MAML3: variants seen among roughly 807,000 people sequenced by gnomAD.
MAML3 encodes the protein mastermind-like protein 3.
In MAML3, 27 loss-of-function variants were observed where a neutral mutation model predicts 101.9. The observed-to-expected ratio is 0.27, with a 90% confidence interval of 0.20 to 0.37. MAML3 has a LOEUF of 0.37. MAML3 is among the 10% of genes least tolerant of loss of function. The probability of loss-of-function intolerance (pLI) is 1.00; values close to 1 mark genes in which losing one functional copy is unlikely to be tolerated. For synonymous variants in MAML3, 501 were observed against 555.9 expected, an observed-to-expected ratio of 0.90 and a Z score of 1.39; for missense variants, 1,316 against 1,444.9, an observed-to-expected ratio of 0.91 and a Z score of 1.45.
At chr4:139,742,469 T>C (rs1363024651) in intron 2 of MAML3, among the ~76,000 whole-genome samples, 2 of 152,204 alleles carry the variant, frequency 1.3e-5, no homozygotes, top group Admixed American at 1.3e-4. Flanking sequence ...TTTCACTCTT[T>C]AATCAGAACT....
At chr4:139,812,434 C>T (rs1205878613) in intron 2 of MAML3, among the ~76,000 whole-genome samples, 1 of 152,198 alleles carries the variant, frequency 6.6e-6, no homozygotes, top group Non-Finnish European at 1.5e-5. Flanking sequence ...TTTCCCTCTC[C>T]ACCCTAAAAG....
At chr4:140,001,857 TAC>T (rs897043630) in intron 1 of MAML3, among the ~76,000 whole-genome samples, 3 of 152,254 alleles carry the variant, frequency 2.0e-5, no homozygotes, top group Non-Finnish European at 2.9e-5. Context: ...AAACCAGGTT[TAC>T]ACAGAGACTA....
chr4:139,862,033 AC>A (rs1263019059), intron 2 of MAML3, among the ~76,000 whole-genome samples: 9 of 151,968 alleles, frequency 5.9e-5, no homozygotes, highest in Non-Finnish European at 1.0e-4. Flanking sequence ...ACATGGTGAA[AC>A]CCTGTCTCTA....
At position 140,003,839 on chromosome 4, in the gene MAML3, A is replaced by G. The variant is rs149140922; in HGVS notation, c.469-112872T>C. On this transcript the variant is annotated intron_variant, in intron 1 of 4. Coordinates refer to ENST00000509479, the MANE Select transcript of MAML3 (RefSeq NM_018717.5). ...ATCAAGGATTGGGCTCCTTGAATTA[A>G]GTCTGCCCCAGGTATATGATTTCCA... 6.5e-3 allele frequency among the ~76,000 whole-genome samples: 996 copies of G among 152,320 alleles called. 13 individuals carry two copies. Among genetic ancestry groups the G allele is most frequent in the African/African-American group, 0.023 (949 of 41,562 alleles).
At chr4:139,730,233 A>T (rs1172307536) in intron 3 of MAML3, 183 bp downstream of exon 3, 5 of 621,342 alleles carry the variant, frequency 8.0e-6, no homozygotes, top group Non-Finnish European at 1.4e-5. Flanking sequence ...TTAATTCATT[A>T]TAGGAAAAAC....
chr4:140,114,972 T>C (rs11100497), intron 1 of MAML3, among the ~76,000 whole-genome samples: 34,292 of 152,120 alleles, frequency 0.23, 4,244 homozygotes, highest in East Asian at 0.36. Context: ...TAAAAGTACA[T>C]TATAACTTCA....
At chr4:140,030,903 T>C (rs1726897691) in intron 1 of MAML3, among the ~76,000 whole-genome samples, 1 of 152,188 alleles carries the variant, frequency 6.6e-6, no homozygotes. Context: ...CCTTTGATAA[T>C]GAGAAACTCA....
At chr4:139,877,493 A>G (rs1032293040) in intron 2 of MAML3, among the ~76,000 whole-genome samples, 7 of 152,218 alleles carry the variant, frequency 4.6e-5, no homozygotes, top group Admixed American at 3.3e-4. Flanking sequence ...ATAATTGCTA[A>G]GATATGATGA....
chr4:139,738,419 T>C (rs534243663), intron 2 of MAML3, among the ~76,000 whole-genome samples: 17 of 152,284 alleles, frequency 1.1e-4, no homozygotes, highest in African/African-American at 4.1e-4. Flanking sequence ...GGCGTGTGCC[T>C]GTAGTCCCAG....
At chr4:140,069,570 A>AGGG (rs1279221288) in intron 1 of MAML3, among the ~76,000 whole-genome samples, 1 of 100,964 alleles carries the variant, frequency 9.9e-6, no homozygotes, top group Admixed American at 1.0e-4. Flanking sequence ...GAGGAGGAGG[A>AGGG]GGGGAGGAGG....
At chr4:140,082,039 G>A (rs1727868056) in intron 1 of MAML3, among the ~76,000 whole-genome samples, 1 of 152,138 alleles carries the variant, frequency 6.6e-6, no homozygotes, top group Non-Finnish European at 1.5e-5. Context: ...AAGCTAATCA[G>A]TCTCCTCCAT....
intron 1 of MAML3, among the ~76,000 whole-genome samples, chr4:140,031,996 C>T (rs1726915527): frequency 6.6e-6 from 1 of 152,094 alleles, no homozygotes; most frequent in Non-Finnish European, 1.5e-5. Context: ...GCTGACTGGC[C>T]AACGGTCTTA....
intron 2 of MAML3, among the ~76,000 whole-genome samples, chr4:139,741,746 C>CA (rs1415613299): frequency 4.6e-5 from 7 of 152,090 alleles, no homozygotes; most frequent in East Asian, 1.9e-4. Flanking sequence ...GACCCTGTCT[C>CA]AAAAAAAATT....
intron 1 of MAML3, among the ~76,000 whole-genome samples, chr4:140,143,351 A>G (rs1729006140): frequency 6.6e-6 from 1 of 152,240 alleles, no homozygotes; most frequent in African/African-American, 2.4e-5. Context: ...GCAGAAGGCA[A>G]CAACTAAGTG....
chr4:140,123,832 AT>A (rs1348945088), intron 1 of MAML3, among the ~76,000 whole-genome samples: 1 of 152,238 alleles, frequency 6.6e-6, no homozygotes, highest in African/African-American at 2.4e-5. Flanking sequence ...GAACTCATTC[AT>A]AATAAAAAGG....
At chr4:140,149,566 A>G (rs1357414894) in intron 1 of MAML3, among the ~76,000 whole-genome samples, 1 of 152,252 alleles carries the variant, frequency 6.6e-6, no homozygotes, top group Non-Finnish European at 1.5e-5. Flanking sequence ...AAGATAATTA[A>G]TCGATATTTA....
chr4:139,986,144 A>G (rs1329846586), intron 1 of MAML3, among the ~76,000 whole-genome samples: 1 of 152,242 alleles, frequency 6.6e-6, no homozygotes, highest in East Asian at 1.9e-4. Context: ...CTATGGACTG[A>G]TAAATACAAA....
At chr4:140,047,594 A>C (rs1464146506) in intron 1 of MAML3, among the ~76,000 whole-genome samples, 3 of 152,050 alleles carry the variant, frequency 2.0e-5, no homozygotes, top group African/African-American at 7.2e-5. Flanking sequence ...ATAATACCTA[A>C]TAATATCCCA....
chr4:140,143,008 TA>T, intron 1 of MAML3, among the ~76,000 whole-genome samples: 1 of 152,342 alleles, frequency 6.6e-6, no homozygotes, highest in Non-Finnish European at 1.5e-5. Context: ...TGCACAGTTT[TA>T]TTTGAAATGA....
Sources: allele counts gnomAD v4.1 joint callset (sites outside exome capture counted in the v4.1 genomes callset), GRCh38; gene constraint gnomAD v4.1.1; transcripts MANE v1.5; gene names NCBI Gene and HGNC (gene_info 2026-07-23, HGNC 2026-07-21).